ARB2A: variants seen among roughly 807,000 people sequenced by gnomAD.
ARB2A encodes the protein cotranscriptional regulator ARB2A.
At chr5:93,960,578 G>A in the ARB2A span, among the ~76,000 whole-genome samples, 1 of 152,148 alleles carries the variant, frequency 6.6e-6, no homozygotes. Flanking sequence ...TAGGCACTCA[G>A]TAATTAAAAA....
At chr5:93,799,976 A>G in the ARB2A span, among the ~76,000 whole-genome samples, 18 of 152,128 alleles carry the variant, frequency 1.2e-4, no homozygotes, top group Admixed American at 1.2e-3. Context: ...CTAAAAATAT[A>G]TTCAAAAGTA....
At chr5:93,668,682 C>T in the ARB2A span, among the ~76,000 whole-genome samples, 1 of 152,102 alleles carries the variant, frequency 6.6e-6, no homozygotes. Context: ...AGGATAAGTA[C>T]TTGAATTTAG....
At chr5:93,722,788 TAAAC>T in the ARB2A span, among the ~76,000 whole-genome samples, 3 of 152,062 alleles carry the variant, frequency 2.0e-5, no homozygotes, top group East Asian at 5.8e-4. Context: ...ACTGTAAACA[TAAAC>T]AAAAGCCACC....
the ARB2A span, among the ~76,000 whole-genome samples, chr5:93,978,343 G>A: frequency 1.2e-4 from 18 of 152,232 alleles, no homozygotes; most frequent in East Asian, 3.5e-3. Flanking sequence ...ATTCACAATA[G>A]CAAAGACATA....
At chr5:93,775,101 T>C in the ARB2A span, among the ~76,000 whole-genome samples, 1 of 152,182 alleles carries the variant, frequency 6.6e-6, no homozygotes, top group Admixed American at 6.5e-5. Flanking sequence ...TGGTTCTGTC[T>C]CTGTGGTTGA....
At chr5:94,096,042 AT>A in the ARB2A span, among the ~76,000 whole-genome samples, 2 of 152,224 alleles carry the variant, frequency 1.3e-5, no homozygotes, top group Non-Finnish European at 2.9e-5. Context: ...AGATATGACC[AT>A]TTAATCAAAG....
the ARB2A span, among the ~76,000 whole-genome samples, chr5:93,919,611 G>A: frequency 1.1e-4 from 17 of 152,190 alleles, no homozygotes; most frequent in Non-Finnish European, 1.9e-4. Flanking sequence ...TGTAAGTTTA[G>A]GTTATTAATT....
At chr5:94,020,299 C>T in the ARB2A span, among the ~76,000 whole-genome samples, 1 of 151,936 alleles carries the variant, frequency 6.6e-6, no homozygotes, top group Admixed American at 6.6e-5. Flanking sequence ...TGGGGAGGGA[C>T]AGCATTAGGA....
the ARB2A span, among the ~76,000 whole-genome samples, chr5:93,833,301 T>C: frequency 3.3e-5 from 5 of 152,192 alleles, no homozygotes; most frequent in Non-Finnish European, 5.9e-5. Context: ...TGGAGTACAT[T>C]TCAAAAATGA....
the ARB2A span, among the ~76,000 whole-genome samples, chr5:93,641,157 ACC>A: frequency 2.8e-4 from 43 of 151,240 alleles, 1 homozygote; most frequent in Non-Finnish European, 1.0e-4. Context: ...CCTAGATCGC[ACC>A]ACTGCACTCC....
chr5:94,055,379 T>C, the ARB2A span, among the ~76,000 whole-genome samples: 2 of 152,302 alleles, frequency 1.3e-5, no homozygotes, highest in South Asian at 2.1e-4. Context: ...TCTTTCTGTA[T>C]AGAACATCAT....
the ARB2A span, among the ~76,000 whole-genome samples, chr5:93,621,285 C>T: frequency 2.0e-5 from 3 of 151,556 alleles, no homozygotes; most frequent in Non-Finnish European, 4.4e-5. Context: ...CGCGCCCCGC[C>T]CCTCAGCCAG....
At chr5:93,960,090 C>A in the ARB2A span, among the ~76,000 whole-genome samples, 15 of 146,150 alleles carry the variant, frequency 1.0e-4, 1 homozygote, top group African/African-American at 2.4e-4. Context: ...TGCCCCCCCC[C>A]CCCCCAAAAA....
At chr5:93,659,456 G>A in the ARB2A span, among the ~76,000 whole-genome samples, 301 of 152,196 alleles carry the variant, frequency 2.0e-3, no homozygotes, top group Middle Eastern at 0.014. Flanking sequence ...ATAATACAGT[G>A]TCTTCTCACT....
At chr5:93,804,212 A>G in the ARB2A span, among the ~76,000 whole-genome samples, 4 of 152,040 alleles carry the variant, frequency 2.6e-5, no homozygotes, top group Non-Finnish European at 4.4e-5. Flanking sequence ...CTTAACAGAC[A>G]CAAATGACAG....
the ARB2A span, among the ~76,000 whole-genome samples, chr5:93,713,355 GA>G: frequency 4.9e-4 from 73 of 148,314 alleles, no homozygotes; most frequent in African/African-American, 1.1e-3. Flanking sequence ...AACTCATTAG[GA>G]AAAAAAAAAT....
the ARB2A span, among the ~76,000 whole-genome samples, chr5:93,927,531 G>A: frequency 1.3e-5 from 2 of 152,098 alleles, no homozygotes; most frequent in Admixed American, 6.5e-5. Context: ...CTTGCTTATA[G>A]GTCTTGCTCT....
the ARB2A span, among the ~76,000 whole-genome samples, chr5:93,656,820 T>C: frequency 3.9e-4 from 60 of 152,232 alleles, no homozygotes; most frequent in African/African-American, 1.3e-3. Context: ...TGTTTTTTTT[T>C]TAAACTTAGT....
chr5:93,858,552 T>G, the ARB2A span, among the ~76,000 whole-genome samples: 768 of 152,348 alleles, frequency 5.0e-3, 8 homozygotes, highest in African/African-American at 0.017. Context: ...TCCTTTAGCC[T>G]TTATCTAATC....
Sources: allele counts gnomAD v4.1 joint callset (sites outside exome capture counted in the v4.1 genomes callset), GRCh38; gene constraint gnomAD v4.1.1; transcripts MANE v1.5; gene names NCBI Gene and HGNC (gene_info 2026-07-23, HGNC 2026-07-21).